The following LRRC38 variants were observed in gnomAD, a reference collection of about 807,000 sequenced individuals.
LRRC38 encodes the protein leucine-rich repeat-containing protein 38.
LRRC38 carries 5 observed loss-of-function variants against 16.4 expected under a neutral mutation model. The observed-to-expected ratio is 0.31, with a 90% CI of 0.16 to 0.64. The LOEUF (loss-of-function observed/expected upper bound fraction) is 0.64, where lower values mean the gene tolerates loss of function less well. Ranked by LOEUF, LRRC38 falls within the 30% of genes least tolerant of loss-of-function variation. LRRC38 has a pLI of 0.80. For synonymous variants in LRRC38, 191 were observed against 190.2 expected (o/e 1.00, Z -0.04); for missense variants, 341 against 401.8 (o/e 0.85, Z 1.29).
chr1:13,505,654 T>C (rs1016219662), intron 1 of LRRC38, among the ~76,000 whole-genome samples: 14 of 152,134 alleles, frequency 9.2e-5, no homozygotes, highest in African/African-American at 3.4e-4. Flanking sequence ...AATGTCAACC[T>C]CAGTGAATGT....
At chr1:13,495,442 AG>A (rs1639070157) in intron 1 of LRRC38, among the ~76,000 whole-genome samples, 1 of 149,680 alleles carries the variant, frequency 6.7e-6, no homozygotes, top group Non-Finnish European at 1.5e-5. Flanking sequence ...TGCAGGCTTA[AG>A]GGCTCCGTCT....
intron 1 of LRRC38, among the ~76,000 whole-genome samples, chr1:13,509,489 C>A (rs1331282798): frequency 6.6e-6 from 1 of 152,134 alleles, no homozygotes; most frequent in Non-Finnish European, 1.5e-5. Flanking sequence ...GCATATTCTC[C>A]CTATGGCCCA....
At chr1:13,510,449 G>T (rs1639261718) in intron 1 of LRRC38, among the ~76,000 whole-genome samples, 1 of 152,116 alleles carries the variant, frequency 6.6e-6, no homozygotes, top group Non-Finnish European at 1.5e-5. Context: ...CACTGTTCTC[G>T]GTCCTTTATA....
chr1:13,500,096 C>T (rs1639128431), intron 1 of LRRC38, among the ~76,000 whole-genome samples: 1 of 151,856 alleles, frequency 6.6e-6, no homozygotes, highest in Admixed American at 6.6e-5. Flanking sequence ...ACTAAAACTA[C>T]AAAAATTAGC....
In LRRC38 at chr1:13,475,701, G is replaced by A. The variant is rs1024610008; in HGVS notation, c.*145C>T. ...TCTGAGATCAGTGGTCCCAGCAGGTGTACCCAGGGGCCAAGACACGGAACA... is the reference window on the plus strand; with the variant it reads ...TCTGAGATCAGTGGTCCCAGCAGGTATACCCAGGGGCCAAGACACGGAACA... On this transcript the variant is annotated 3_prime_UTR_variant, in exon 2 of 2. Transcript: ENST00000376085. The surrounding 1 kb of genome is among the most constrained non-coding windows in gnomAD (Gnocchi z 4.3). 12 of 1,011,888 alleles carry A rather than the reference G, an allele frequency of 1.2e-5. No homozygotes were observed. The Middle Eastern group carries it at 9.7e-4, about 82-fold the overall frequency. 62.7% of individuals were successfully genotyped at this position (1,011,888 alleles called of 1,614,324 possible). A position where few individuals can be genotyped will look rare whatever the true frequency, so the allele number is the denominator to read the frequency against.
chr1:13,497,043 A>G (rs1639088673), intron 1 of LRRC38, among the ~76,000 whole-genome samples: 1 of 152,136 alleles, frequency 6.6e-6, no homozygotes, highest in African/African-American at 2.4e-5. Context: ...ATGACAAGGA[A>G]TCTGGGGTGC....
At chr1:13,512,904 T>C (rs928862117) in intron 1 of LRRC38, 59 bp downstream of exon 1, 4 of 1,399,356 alleles carry the variant, frequency 2.9e-6, no homozygotes, top group Non-Finnish European at 2.9e-6. Flanking sequence ...GACTGGGGTC[T>C]GGGGTGGCCT....
chr1:13,478,918 C>A (rs1386999117), intron 1 of LRRC38, among the ~76,000 whole-genome samples: 2 of 152,128 alleles, frequency 1.3e-5, no homozygotes, highest in Non-Finnish European at 2.9e-5. Flanking sequence ...GCCTAGCAAC[C>A]AGACTCTGCA....
intron 1 of LRRC38, among the ~76,000 whole-genome samples, chr1:13,489,528 C>A (rs1249827377): frequency 2.6e-5 from 4 of 151,902 alleles, no homozygotes; most frequent in Non-Finnish European, 5.9e-5. Flanking sequence ...ACCCAGGTCT[C>A]CTGACTCCCT....
rs115319829 is a variant in LRRC38 at position 13,508,508 on chromosome 1, C to T, written c.631+4455G>A. On this transcript the variant is annotated intron_variant, in intron 1 of 1. Coordinates refer to ENST00000376085, the MANE Select transcript of LRRC38 (RefSeq NM_001010847.2). Reference sequence around the variant, plus strand: ...TCCCAATTCAGTAACAGAAAAAAATCATTTTGCGAATGTACAGTATAATAT... The same window carrying T: ...TCCCAATTCAGTAACAGAAAAAAATTATTTTGCGAATGTACAGTATAATAT... 2.3e-3 allele frequency among the ~76,000 whole-genome samples: 357 copies of T among 152,256 alleles called. 1 individual carries two copies. The highest frequency in any genetic ancestry group is 3.8e-3 in the Non-Finnish European group (256 of 68,014).
Position 13,513,542 on chromosome 1 carries a change from G to C in LRRC38, c.52C>G (p.Leu18Val). 7.3e-7 allele frequency: 1 copy of C among 1,368,484 alleles called. No individual in the cohort carries two copies. Among genetic ancestry groups the C allele is most frequent in the East Asian group, 2.9e-5 (1 of 34,878 alleles). The allele number at this position is 1,368,484 out of a possible 1,614,324, so 84.8% of individuals were successfully genotyped here. A position where few individuals can be genotyped will look rare whatever the true frequency, so the allele number is the denominator to read the frequency against. ...TGCCCGGGCGCGAGCAGCAGCAGAA[G>C]GCTGCAGAGCCCGAGCGCCGCGGCG... is the stretch of plus-strand genomic sequence containing the variant. ...CAAAALGLCSLLLLLAPGHAC... is the reference protein window; with the variant it reads ...CAAAALGLCSVLLLLAPGHAC... Residue 18 changes from leucine to valine, a missense_variant, in exon 1 of 2, where the codon CTT becomes GTT. Leu to Val is a conservative substitution (Grantham distance 32, BLOSUM62 1). Coordinates refer to ENST00000376085, the MANE Select transcript of LRRC38 (RefSeq NM_001010847.2).
chr1:13,513,215 C>A lies in LRRC38; in HGVS notation c.379G>T (p.Ala127Ser). The A allele has an allele frequency of 6.4e-7, 1 of 1,550,476 alleles. No homozygotes were observed. Among genetic ancestry groups the A allele is most frequent in the Non-Finnish European group, 8.7e-7 (1 of 1,146,956 alleles). Reference protein sequence around the residue: ...TQLGAGAFRSAGRLVKLSLAN... With the variant: ...TQLGAGAFRSSGRLVKLSLAN... ...AGGCTAAGCTTCACCAGCCTCCCGG[C>A]CGAGCGGAAGGCGCCGGCGCCCAGC... The change falls in exon 1 of 2, where the codon GCC becomes TCC. Residue 127 changes from alanine to serine, a missense_variant. Physicochemically the swap from Ala to Ser is moderately conservative, Grantham distance 99. Coordinates refer to ENST00000376085, the MANE Select transcript of LRRC38 (RefSeq NM_001010847.2).
rs1023109726 is a variant in LRRC38 at position 13,512,852 on chromosome 1, A to C, written c.631+111T>G. The C allele has an allele frequency of 9.4e-5, 109 of 1,164,476 alleles. 1 individual carries two copies. The Middle Eastern group carries it at 1.3e-3, about 14-fold the overall frequency. 72.1% of individuals were successfully genotyped at this position (1,164,476 alleles called of 1,614,324 possible). Reference sequence around the variant, plus strand: ...ACCCAGGAAAAGTTCAGGATCCCCCAAGCCTCCTCTTCCAAACTCAACCCA... The same window carrying C: ...ACCCAGGAAAAGTTCAGGATCCCCCCAGCCTCCTCTTCCAAACTCAACCCA... On this transcript the variant is annotated intron_variant, in intron 1 of 1. Transcript: ENST00000376085.
chr1:13,476,970 T>TGTGGCTGTAATTACA (rs1338428707), intron 1 of LRRC38, among the ~76,000 whole-genome samples: 1 of 152,118 alleles, frequency 6.6e-6, no homozygotes, highest in African/African-American at 2.4e-5. Context: ...CCGGGCATGG[T>TGTGGCTGTAATTACA]GGTGTGTTCC....
intron 1 of LRRC38, among the ~76,000 whole-genome samples, chr1:13,501,414 A>C (rs750535083): frequency 6.6e-6 from 1 of 151,994 alleles, no homozygotes; most frequent in African/African-American, 2.4e-5. Flanking sequence ...TATTTTATTT[A>C]TTTATTTATT....
rs573437016 is a variant in LRRC38, at chr1:13,481,724, G to A, written c.632-5625C>T. The stretch of plus-strand genomic sequence containing the variant: ...TGTTCTTAGAAGAAGAGACACCAGA[G>A]AGCTCTCCCAATCTGTCTCTGCCTC... On this transcript the variant is annotated intron_variant, in intron 1 of 1. Coordinates refer to ENST00000376085, the MANE Select transcript of LRRC38 (RefSeq NM_001010847.2). Among the ~76,000 whole-genome samples the A allele has an allele frequency of 1.7e-4, 25 of 151,446 alleles. No individual in the cohort carries two copies. The South Asian group carries it at 2.3e-3, about 14-fold the overall frequency.
At chr1:13,501,107 C>T (rs2100515409) in intron 1 of LRRC38, among the ~76,000 whole-genome samples, 1 of 152,150 alleles carries the variant, frequency 6.6e-6, no homozygotes, top group African/African-American at 2.4e-5. Context: ...ACTGGTTCAT[C>T]ATATTGGTTT....
Position 13,513,259 on chromosome 1 carries a change from C to G in LRRC38, c.335G>C (p.Ser112Thr), listed in dbSNP as rs956712870. Residue 112 changes from serine (S) to threonine (T), a missense_variant, in exon 1 of 2, where the codon AGC becomes ACC. Coordinates refer to ENST00000376085, the MANE Select transcript of LRRC38 (RefSeq NM_001010847.2). ...GSAKLVFLDLSYNNLTQLGAG... is the reference protein window; with the variant it reads ...GSAKLVFLDLTYNNLTQLGAG... The stretch of plus-strand genomic sequence containing the variant: ...GCCCAGCTGGGTCAAGTTGTTGTAG[C>G]TGAGGTCGAGGAACACGAGCTTGGC... 6.5e-6 allele frequency: 10 copies of G among 1,550,334 alleles called. No homozygotes were observed. The highest frequency in any genetic ancestry group is 8.7e-6 in the Non-Finnish European group (10 of 1,146,954).
intron 1 of LRRC38, among the ~76,000 whole-genome samples, chr1:13,485,595 G>A (rs545879127): frequency 5.3e-5 from 8 of 152,184 alleles, no homozygotes; most frequent in African/African-American, 1.9e-4. Flanking sequence ...AAGAATGCTT[G>A]CACAAGTTAT....
Sources: allele counts gnomAD v4.1 joint callset (sites outside exome capture counted in the v4.1 genomes callset), GRCh38; gene constraint gnomAD v4.1.1; non-coding constraint Gnocchi (gnomAD v3.1); transcripts MANE v1.5; gene names NCBI Gene and HGNC (gene_info 2026-07-23, HGNC 2026-07-21).